The following HMGB1 variants were observed in gnomAD, a reference collection of about 807,000 sequenced individuals.
HMGB1 encodes the protein high mobility group protein B1.
For synonymous variants in HMGB1, 81 were observed against 84.0 expected, an observed-to-expected ratio of 0.96 and a Z score of 0.19; for missense variants, 79 against 253.5, an observed-to-expected ratio of 0.31 and a Z score of 4.67.
chr13:30,495,691 G>A (rs1428178960), intron 1 of HMGB1, among the ~76,000 whole-genome samples: 1 of 152,138 alleles, frequency 6.6e-6, no homozygotes, highest in Non-Finnish European at 1.5e-5. Flanking sequence ...TGTTAGCCAG[G>A]ATGGTCTCGA....
At chr13:30,462,823 T>C (rs570121784) in intron 3 of HMGB1, 111 bp from the exon 4 acceptor site, 53 of 815,446 alleles carry the variant, frequency 6.5e-5, no homozygotes, top group African/African-American at 4.7e-4. Flanking sequence ...CTGTGATGCA[T>C]TGGACAGGGT....
At chr13:30,597,098 T>C (rs1009830951) in intron 1 of HMGB1, among the ~76,000 whole-genome samples, 1 of 152,226 alleles carries the variant, frequency 6.6e-6, no homozygotes, top group Non-Finnish European at 1.5e-5. Context: ...TTATGCCCCT[T>C]ACAAAAGATG....
intron 1 of HMGB1, among the ~76,000 whole-genome samples, chr13:30,581,478 G>A (rs984287959): frequency 3.3e-5 from 5 of 152,186 alleles, no homozygotes; most frequent in Non-Finnish European, 5.9e-5. Context: ...CTGCTTTTGC[G>A]CTACAGCAGC....
intron 1 of HMGB1, among the ~76,000 whole-genome samples, chr13:30,538,693 C>CCTTTA (rs1555238893): frequency 1.8e-5 from 2 of 111,860 alleles, no homozygotes; most frequent in African/African-American, 8.2e-5. Context: ...TCCTTTCTTT[C>CCTTTA]TTTCTTTCTT....
intron 1 of HMGB1, among the ~76,000 whole-genome samples, chr13:30,561,849 G>C (rs1869966609): frequency 6.6e-6 from 1 of 152,176 alleles, no homozygotes; most frequent in Non-Finnish European, 1.5e-5. Context: ...ACTGAAATGA[G>C]AGAGGAAAAT....
intron 1 of HMGB1, among the ~76,000 whole-genome samples, chr13:30,571,618 C>T (rs1326715403): frequency 1.3e-5 from 2 of 152,222 alleles, no homozygotes; most frequent in African/African-American, 4.8e-5. Context: ...TTATTATGGA[C>T]AATTAAGCTG....
chr13:30,546,775 A>G (rs1211334883), intron 1 of HMGB1, among the ~76,000 whole-genome samples: 1 of 152,228 alleles, frequency 6.6e-6, no homozygotes, highest in Non-Finnish European at 1.5e-5. Context: ...ATAAGCCACC[A>G]TGCCCAGTCC....
chr13:30,497,270 G>A (rs566789316), intron 1 of HMGB1, among the ~76,000 whole-genome samples: 3 of 152,092 alleles, frequency 2.0e-5, no homozygotes, highest in South Asian at 4.2e-4. Context: ...TCTGTCACCC[G>A]GGCTTGAGTA....
intron 1 of HMGB1, among the ~76,000 whole-genome samples, chr13:30,529,970 T>C (rs527422652): frequency 2.0e-5 from 3 of 152,272 alleles, no homozygotes; most frequent in Admixed American, 1.3e-4. Flanking sequence ...AAATGGATGG[T>C]GGCAATAAAG....
intron 1 of HMGB1, among the ~76,000 whole-genome samples, chr13:30,507,485 T>A (rs573412202): frequency 6.6e-6 from 1 of 152,332 alleles, no homozygotes; most frequent in South Asian, 2.1e-4. Context: ...GGGAACAAAG[T>A]ATCTGGTTTC....
intron 1 of HMGB1, among the ~76,000 whole-genome samples, chr13:30,589,130 C>T (rs1871273848): frequency 6.6e-6 from 1 of 151,442 alleles, no homozygotes; most frequent in Non-Finnish European, 1.5e-5. Flanking sequence ...CTCAGCCTCC[C>T]GAGTAGCTGG....
At chr13:30,550,303 A>G (rs1869365474) in intron 1 of HMGB1, among the ~76,000 whole-genome samples, 1 of 152,176 alleles carries the variant, frequency 6.6e-6, no homozygotes, top group African/African-American at 2.4e-5. Context: ...CTAGGGACCA[A>G]TCTAAACACT....
chr13:30,470,773 C>G (rs1431876367), upstream of HMGB1, among the ~76,000 whole-genome samples: 1 of 151,938 alleles, frequency 6.6e-6, no homozygotes, highest in African/African-American at 2.4e-5. Context: ...CTCAGCCTCC[C>G]AAGTAGCTAG....
At chr13:30,461,724 T>C (rs1565993561) in intron 4 of HMGB1, 191 bp from the exon 5 acceptor site, 2 of 1,399,870 alleles carry the variant, frequency 1.4e-6, no homozygotes, top group Non-Finnish European at 2.0e-6. Context: ...AAGATCATTA[T>C]AACAATCTAT....
intron 1 of HMGB1, among the ~76,000 whole-genome samples, chr13:30,505,881 G>GT (rs1438392719): frequency 2.0e-5 from 3 of 151,902 alleles, no homozygotes; most frequent in Non-Finnish European, 4.4e-5. Flanking sequence ...CAAGTAGACA[G>GT]TTTTTTTGTT....
intron 1 of HMGB1, among the ~76,000 whole-genome samples, chr13:30,518,784 C>T (rs74620557): frequency 0.064 from 9,470 of 147,530 alleles, 412 homozygotes; most frequent in East Asian, 0.19. Flanking sequence ...TGGCTCACTG[C>T]AGCCTCAACT....
At chr13:30,544,978 A>T (rs567946274) in intron 1 of HMGB1, among the ~76,000 whole-genome samples, 1 of 152,262 alleles carries the variant, frequency 6.6e-6, no homozygotes, top group Admixed American at 6.5e-5. Flanking sequence ...CCTGGCCTCC[A>T]ATCTTTTATA....
chr13:30,612,965 C>A (rs138751143), intron 1 of HMGB1, among the ~76,000 whole-genome samples: 1 of 152,110 alleles, frequency 6.6e-6, no homozygotes, highest in Admixed American at 6.5e-5. Flanking sequence ...TGTCCAATTA[C>A]GAGAATATAC....
At position 30,549,742 on chromosome 13, in the gene HMGB1, C is replaced by A. The variant is rs1261609750; in HGVS notation, c.-15+66929G>T. ...TTTTTTTTGAGATGGAGTCTTGCTC[C>A]ATCTCAGCCTGCACGCCAGGCTGGA... On this transcript the variant is annotated intron_variant, in intron 1 of 4. Transcript: ENST00000405805. 2.0e-5 allele frequency among the ~76,000 whole-genome samples: 3 copies of A among 148,578 alleles called. No individual in the cohort carries two copies. In the Admixed American group the frequency reaches 2.0e-4, roughly 10 times the overall value.
Sources: gnomAD v4.1 joint callset for allele counts (sites outside exome capture counted in the v4.1 genomes callset) on GRCh38, gnomAD v4.1.1 for gene constraint, MANE v1.5 for transcripts, NCBI Gene and HGNC (gene_info 2026-07-23, HGNC 2026-07-21) for gene names.